NUDT4: variants seen among roughly 807,000 people sequenced by gnomAD.
NUDT4 encodes diphosphoinositol polyphosphate phosphohydrolase 2.
A neutral mutation model predicts 23.1 loss-of-function variants in NUDT4; 5 were observed. The observed-to-expected ratio is 0.22, with a 90% CI of 0.11 to 0.46. NUDT4 has a LOEUF of 0.46. NUDT4 is among the 20% of genes least tolerant of loss of function. NUDT4 has a pLI of 0.99. For synonymous variants in NUDT4, 50 were observed against 79.0 expected, an observed-to-expected ratio of 0.63 and a Z score of 1.95; for missense variants, 96 against 211.6, an observed-to-expected ratio of 0.45 and a Z score of 3.39.
chr12:93,383,074 A>G (rs1875803293), intron 1 of NUDT4, among the ~76,000 whole-genome samples: 1 of 144,420 alleles, frequency 6.9e-6, no homozygotes, highest in Non-Finnish European at 1.5e-5. Context: ...TTTGCATTGG[A>G]TTTTTTTTTT....
At position 93,403,728 on chromosome 12, in the gene NUDT4, TC is replaced by T. The variant is rs1877632397; in HGVS notation, c.*4354del. On this transcript the variant is annotated 3_prime_UTR_variant, in exon 5 of 5. Transcript: ENST00000415493. Reference sequence around the variant, plus strand: ...TACAATTTTATTTGTAGACGTGATTTCCCCCACCAAATGCACATTTTATGGA... The same window carrying T: ...TACAATTTTATTTGTAGACGTGATTTCCCCACCAAATGCACATTTTATGGA... 2.0e-5 allele frequency: 3 copies of T among 152,204 alleles called. No individual in the cohort carries two copies. In the South Asian group the frequency reaches 6.2e-4, roughly 31 times the overall value. 9.4% of individuals were successfully genotyped at this position (152,204 alleles called of 1,614,324 possible).
chr12:93,389,280 C>CT (rs572113188), intron 1 of NUDT4, among the ~76,000 whole-genome samples: 261 of 152,172 alleles, frequency 1.7e-3, no homozygotes, highest in African/African-American at 6.1e-3. Flanking sequence ...CAAGACCAGC[C>CT]TGACCAGCAT....
rs1228547005 is a variant in NUDT4, at chr12:93,402,617, AGATGT to A, written c.*3239_*3243del. 3 of 152,170 alleles carry A rather than the reference AGATGT, an allele frequency of 2.0e-5. No individual in the cohort carries two copies. The highest frequency in any genetic ancestry group is 7.2e-5 in the African/African-American group (3 of 41,418). 9.4% of individuals were successfully genotyped at this position (152,170 alleles called of 1,614,324 possible). ...GGTTAAAAGGAAATGCTTACCACTA[AGATGT>A]CAGTATTCTCCTCATGGATATTTTC... On this transcript the variant is annotated 3_prime_UTR_variant, in exon 5 of 5. Coordinates refer to ENST00000415493, the MANE Select transcript of NUDT4 (RefSeq NM_019094.6).
At chr12:93,396,157 G>C (rs1876918393) in intron 3 of NUDT4, among the ~76,000 whole-genome samples, 1 of 152,134 alleles carries the variant, frequency 6.6e-6, no homozygotes, top group Non-Finnish European at 1.5e-5. Context: ...AATATTTTTA[G>C]TATGACCTAA....
chr12:93,383,232 A>G (rs1254369199), intron 1 of NUDT4, among the ~76,000 whole-genome samples: 1 of 152,180 alleles, frequency 6.6e-6, no homozygotes, highest in Non-Finnish European at 1.5e-5. Context: ...TACCAATCCC[A>G]TATAAGTTGG....
At chr12:93,388,424 C>T (rs1455231159) in intron 1 of NUDT4, among the ~76,000 whole-genome samples, 1 of 152,212 alleles carries the variant, frequency 6.6e-6, no homozygotes, top group African/African-American at 2.4e-5. Context: ...ATCTTTTCAT[C>T]ACATACAATT....
intron 1 of NUDT4, among the ~76,000 whole-genome samples, chr12:93,388,004 A>T (rs1253538490): frequency 6.6e-6 from 1 of 152,068 alleles, no homozygotes; most frequent in African/African-American, 2.4e-5. Flanking sequence ...TGAACACTCA[A>T]ATGAACTATT....
chr12:93,386,058 C>T (rs1876069298), intron 1 of NUDT4, among the ~76,000 whole-genome samples: 2 of 150,586 alleles, frequency 1.3e-5, no homozygotes, highest in Non-Finnish European at 2.9e-5. Context: ...TCACTGCAGC[C>T]TTGACTTCCC....
intron 3 of NUDT4, 105 bp from the exon 4 acceptor site, chr12:93,398,666 C>G (rs906335828): frequency 2.5e-5 from 17 of 689,184 alleles, no homozygotes; most frequent in Non-Finnish European, 3.6e-5. Flanking sequence ...CTGGGAAATA[C>G]GCTATGCTAA....
rs1419203716 is a variant in NUDT4 at position 93,407,544 on chromosome 12, T to G, written c.*8165T>G. ...TGGAGAGTAACTGGTGAGAAGACAA[T>G]GACATGCTCTTAGGGTGTCTGCTAC... On this transcript the variant is annotated 3_prime_UTR_variant, in exon 5 of 5. Coordinates refer to ENST00000415493, the MANE Select transcript of NUDT4 (RefSeq NM_019094.6). The G allele has an allele frequency of 3.3e-5, 5 of 152,210 alleles. No homozygotes were observed. The highest frequency in any genetic ancestry group is 4.4e-5 in the Non-Finnish European group (3 of 68,058). 9.4% of individuals were successfully genotyped at this position (152,210 alleles called of 1,614,324 possible). A position where few individuals can be genotyped will look rare whatever the true frequency, so the allele number is the denominator to read the frequency against.
intron 1 of NUDT4, among the ~76,000 whole-genome samples, chr12:93,388,058 A>G (rs773488009): frequency 6.6e-6 from 1 of 152,238 alleles, no homozygotes; most frequent in Non-Finnish European, 1.5e-5. Flanking sequence ...CAGACTTTCA[A>G]ATCTGTCACC....
chr12:93,378,388 G>C lies in NUDT4; in HGVS notation c.66G>C (p.Ala22=). ...GCGAGGGCTTCAAGAAGCGGGCGGC[G>C]TGCCTGTGCTTCCGGAGCGAGCAGG... ...YDREGFKKRA[A]CLCFRSEQED... is the part of the protein sequence containing the mutation. Residue 22 remains alanine (A), a synonymous_variant, in exon 1 of 5, where the codon GCG becomes GCC. Transcript: ENST00000415493. The C allele has an allele frequency of 3.2e-6, 5 of 1,553,696 alleles. No homozygotes were observed. The highest frequency in any genetic ancestry group is 1.4e-5 in the African/African-American group (1 of 73,208).
intron 1 of NUDT4, among the ~76,000 whole-genome samples, chr12:93,394,390 G>C (rs935699546): frequency 2.0e-5 from 3 of 152,206 alleles, no homozygotes; most frequent in Non-Finnish European, 4.4e-5. Context: ...TGATTTGGTA[G>C]TGTGACCATG....
rs1877786570 is a variant in NUDT4 at position 93,405,918 on chromosome 12, T to C, written c.*6539T>C. On this transcript the variant is annotated 3_prime_UTR_variant, in exon 5 of 5. Coordinates refer to ENST00000415493, the MANE Select transcript of NUDT4 (RefSeq NM_019094.6). ...TTAGGTACCCTATTATCATGGTATT[T>C]TCTTTTTTGGCCAGCTTTTCTAGAT... 6.6e-6 allele frequency: 1 copy of C among 152,180 alleles called. No individual in the cohort carries two copies. Among genetic ancestry groups the C allele is most frequent in the South Asian group, 2.1e-4 (1 of 4,834 alleles). 9.4% of individuals were successfully genotyped at this position (152,180 alleles called of 1,614,324 possible).
At position 93,400,428 on chromosome 12, in the gene NUDT4, A is replaced by G. The variant is rs1877298817; in HGVS notation, c.*1049A>G. 1 of 152,292 alleles carries G rather than the reference A, an allele frequency of 6.6e-6. No individual in the cohort carries two copies. The highest frequency in any genetic ancestry group is 1.9e-4 in the East Asian group (1 of 5,206). 9.4% of individuals were successfully genotyped at this position (152,292 alleles called of 1,614,324 possible). ...GTTGTCAACAGGTACTATTTGTCAC[A>G]TAACTAACTTTCGAGGCACTGGAAC... On this transcript the variant is annotated 3_prime_UTR_variant, in exon 5 of 5. Coordinates refer to ENST00000415493, the MANE Select transcript of NUDT4 (RefSeq NM_019094.6).
intron 1 of NUDT4, 84 bp downstream of exon 1, chr12:93,378,505 C>A: frequency 7.3e-7 from 1 of 1,370,722 alleles, no homozygotes; most frequent in Non-Finnish European, 9.6e-7. Flanking sequence ...CGCCCCTGCG[C>A]AGGCTGCGGG....
rs1477821290 is a variant in NUDT4, at chr12:93,400,604, G to A, written c.*1225G>A. 1 of 151,826 alleles carries A rather than the reference G, an allele frequency of 6.6e-6. No individual in the cohort carries two copies. The highest frequency in any genetic ancestry group is 1.9e-4 in the East Asian group (1 of 5,178). 9.4% of individuals were successfully genotyped at this position (151,826 alleles called of 1,614,324 possible). On this transcript the variant is annotated 3_prime_UTR_variant, in exon 5 of 5. Transcript: ENST00000415493. ...AGAAGTTTGACTAAAATGAGGGATGGGGGAAAGTAAAAGATGTTTTTTTTT... is the reference window on the plus strand; with the variant it reads ...AGAAGTTTGACTAAAATGAGGGATGAGGGAAAGTAAAAGATGTTTTTTTTT...
intron 3 of NUDT4, 117 bp downstream of exon 3, chr12:93,395,650 A>G: frequency 1.3e-6 from 1 of 796,870 alleles, no homozygotes; most frequent in South Asian, 1.4e-5. Flanking sequence ...AGCAGTAGGC[A>G]GTCAGTCCAG....
rs1422645037 is a variant in NUDT4, at chr12:93,407,732, G to C, written c.*8353G>C. 1 of 152,224 alleles carries C rather than the reference G, an allele frequency of 6.6e-6. No individual in the cohort carries two copies. Among genetic ancestry groups the C allele is most frequent in the Non-Finnish European group, 1.5e-5 (1 of 68,050 alleles). 9.4% of individuals were successfully genotyped at this position (152,224 alleles called of 1,614,324 possible). A position where few individuals can be genotyped will look rare whatever the true frequency, so the allele number is the denominator to read the frequency against. ...TCAGAATGTTTTAACCAGCCACACT[G>C]TGTGGGCCAGGGAAAACAGGCCCAA... On this transcript the variant is annotated 3_prime_UTR_variant, in exon 5 of 5. Transcript: ENST00000415493.
Sources: gnomAD v4.1 joint callset for allele counts (sites outside exome capture counted in the v4.1 genomes callset) on GRCh38, gnomAD v4.1.1 for gene constraint, MANE v1.5 for transcripts, NCBI Gene and HGNC (gene_info 2026-07-23, HGNC 2026-07-21) for gene names.